PLD5: variants seen among roughly 807,000 people sequenced by gnomAD.
PLD5 encodes inactive phospholipase D5.
In PLD5, 36 loss-of-function variants were observed where a neutral mutation model predicts 61.1. That is an observed-to-expected ratio of 0.59 (90% confidence interval 0.45 to 0.78). PLD5 has a LOEUF of 0.78. Ranked by LOEUF, PLD5 falls within the 30% of genes least tolerant of loss-of-function variation. The pLI is 0.00. For synonymous variants in PLD5, 243 were observed against 242.8 expected (o/e 1.00, Z -0.01); for missense variants, 515 against 644.4 (o/e 0.80, Z 2.17).
chr1:242,113,818 T>C, intron 7 of PLD5, 72 bp downstream of exon 7: 2 of 1,502,712 alleles, frequency 1.3e-6, no homozygotes, highest in Non-Finnish European at 1.8e-6. Flanking sequence ...CAGGCTGGCT[T>C]CTCCTGTGGT....
intron 2 of PLD5, among the ~76,000 whole-genome samples, chr1:242,301,016 C>T (rs1676006471): frequency 6.6e-6 from 1 of 152,134 alleles, no homozygotes; most frequent in Non-Finnish European, 1.5e-5. Flanking sequence ...TTCTCCAAAC[C>T]TTTACTCACA....
At chr1:242,190,747 A>T (rs1230639828) in intron 5 of PLD5, among the ~76,000 whole-genome samples, 1 of 152,012 alleles carries the variant, frequency 6.6e-6, no homozygotes, top group East Asian at 1.9e-4. Context: ...AACAAAAAAA[A>T]AATAGAAAAA....
chr1:242,128,985 A>G (rs898552220), intron 5 of PLD5, among the ~76,000 whole-genome samples: 1 of 152,234 alleles, frequency 6.6e-6, no homozygotes, highest in Non-Finnish European at 1.5e-5. Context: ...TAACGGCACC[A>G]TCATTCTGAG....
At chr1:242,125,474 T>C (rs952066065) in intron 5 of PLD5, among the ~76,000 whole-genome samples, 1 of 152,222 alleles carries the variant, frequency 6.6e-6, no homozygotes, top group Admixed American at 6.5e-5. Context: ...GCAGGTTTTC[T>C]GACCCCTAAT....
chr1:242,236,492 C>A (rs1407988818), intron 4 of PLD5, among the ~76,000 whole-genome samples: 1 of 151,824 alleles, frequency 6.6e-6, no homozygotes, highest in East Asian at 1.9e-4. Flanking sequence ...AGAATATAAG[C>A]AATTTCTCCC....
intron 1 of PLD5, among the ~76,000 whole-genome samples, chr1:242,500,447 A>G (rs2256384): frequency 0.023 from 3,556 of 152,186 alleles, 145 homozygotes; most frequent in African/African-American, 0.082. Context: ...CTAGCAAGAC[A>G]TTTGCTAGGA....
At chr1:242,273,990 G>A (rs1000109571) in intron 3 of PLD5, among the ~76,000 whole-genome samples, 4 of 152,256 alleles carry the variant, frequency 2.6e-5, no homozygotes, top group Non-Finnish European at 4.4e-5. Context: ...AACTGATTTC[G>A]GGCTTCCTAC....
intron 5 of PLD5, among the ~76,000 whole-genome samples, chr1:242,185,024 C>T (rs186535790): frequency 1.9e-4 from 29 of 152,294 alleles, no homozygotes; most frequent in Non-Finnish European, 2.4e-4. Context: ...GTAGTTTGAC[C>T]TGCTGAGCAT....
chr1:242,398,227 C>T (rs1002524579), intron 1 of PLD5, among the ~76,000 whole-genome samples: 1 of 152,164 alleles, frequency 6.6e-6, no homozygotes, highest in East Asian at 1.9e-4. Flanking sequence ...CTTGTGAGTA[C>T]AACCTAGACA....
chr1:242,404,362 C>T (rs1664108933), intron 1 of PLD5, among the ~76,000 whole-genome samples: 1 of 152,102 alleles, frequency 6.6e-6, no homozygotes, highest in Non-Finnish European at 1.5e-5. Flanking sequence ...CATGAGATAA[C>T]CTGAGATGAG....
chr1:242,365,613 A>G, intron 1 of PLD5: 1 of 157,558 alleles, frequency 6.3e-6, no homozygotes, highest in Non-Finnish European at 1.4e-5. Context: ...ATGAAAATGA[A>G]GTGGATGAGG....
At chr1:242,396,663 CTTTTCTTTTCTTTT>C (rs1663588866) in intron 1 of PLD5, among the ~76,000 whole-genome samples, 2 of 116,438 alleles carry the variant, frequency 1.7e-5, no homozygotes, top group South Asian at 3.0e-4. Flanking sequence ...TTCTTTCTTT[CTTTTCTTTTCTTTT>C]TTTTTTTTTT....
chr1:242,404,973 G>A lies in PLD5; in HGVS notation c.190-56731C>T, dbSNP rs1413691629. On this transcript the variant is annotated intron_variant, in intron 1 of 9. Coordinates refer to ENST00000536534, the MANE Select transcript of PLD5 (RefSeq NM_001372062.1). ...TGGCTCACTGCAACCTCCACCTCCC[G>A]GGTTCAAGCAATTCTCCTGCCTCAG... is the stretch of plus-strand genomic sequence containing the variant. Among the ~76,000 whole-genome samples, 6 of 141,106 alleles carry A rather than the reference G, an allele frequency of 4.3e-5. No homozygotes were observed. In the South Asian group the frequency reaches 6.9e-4, roughly 16 times the overall value. The allele number at this position is 141,106 out of a possible 152,430, so 92.6% of individuals were successfully genotyped here.
At chr1:242,149,793 T>A (rs1411803116) in intron 5 of PLD5, among the ~76,000 whole-genome samples, 1 of 151,800 alleles carries the variant, frequency 6.6e-6, no homozygotes, top group African/African-American at 2.4e-5. Context: ...CCTCTTATTT[T>A]TATAATGTCC....
At chr1:242,383,532 T>C (rs1230910351) in intron 1 of PLD5, among the ~76,000 whole-genome samples, 1 of 151,986 alleles carries the variant, frequency 6.6e-6, no homozygotes, top group African/African-American at 2.4e-5. Flanking sequence ...CATTTTCTGT[T>C]AAATTTTTTC....
chr1:242,220,037 T>C lies in PLD5; in HGVS notation c.686A>G (p.Gln229Arg), dbSNP rs755146825. ...LQSSFWIVDK[Q>R]HVYIGSAGLD... ...ACCGGCACTGCCGATATACACGTGC[T>C]GTTTGTCCACGATCCAGAAGGAGGA... The change falls in exon 5 of 10, where the codon CAG (glutamine) becomes CGG (arginine). Residue 229 changes from glutamine (Q) to arginine (R), a missense_variant. Physicochemically the swap from Gln to Arg is conservative, Grantham distance 43. Coordinates refer to ENST00000536534, the MANE Select transcript of PLD5 (RefSeq NM_001372062.1). 1 of 1,614,224 alleles carries C rather than the reference T, an allele frequency of 6.2e-7. No individual in the cohort carries two copies. The highest frequency in any genetic ancestry group is 1.7e-5 in the Admixed American group (1 of 60,030).
intron 1 of PLD5, among the ~76,000 whole-genome samples, chr1:242,366,932 C>T (rs897466578): frequency 3.3e-5 from 5 of 152,034 alleles, no homozygotes; most frequent in African/African-American, 1.2e-4. Flanking sequence ...TCCATTGATT[C>T]CCATAACAGA....
chr1:242,223,851 TAGAGAGAGAGAG>T (rs34987274), intron 4 of PLD5, among the ~76,000 whole-genome samples: 290 of 144,344 alleles, frequency 2.0e-3, no homozygotes, highest in African/African-American at 7.2e-3. Flanking sequence ...TATATATAAA[TAGAGAGAGAGAG>T]AGAGAGAGAG....
intron 1 of PLD5, among the ~76,000 whole-genome samples, chr1:242,448,021 G>A (rs1461197729): frequency 6.6e-6 from 1 of 152,270 alleles, no homozygotes; most frequent in South Asian, 2.1e-4. Flanking sequence ...CCTCATGCTA[G>A]ATATGTGCAT....
Sources: gnomAD v4.1 joint callset for allele counts (sites outside exome capture counted in the v4.1 genomes callset) on GRCh38, gnomAD v4.1.1 for gene constraint, MANE v1.5 for transcripts, NCBI Gene and HGNC (gene_info 2026-07-23, HGNC 2026-07-21) for gene names.